The following CDKL2 variants were observed in gnomAD, a reference collection of about 807,000 sequenced individuals.
CDKL2 encodes cyclin-dependent kinase-like 2.
CDKL2 carries 64 observed loss-of-function variants against 63.9 expected under a neutral mutation model. The ratio of observed to expected loss-of-function variants is 1.00; its 90% CI spans 0.82 to 1.23. The LOEUF (loss-of-function observed/expected upper bound fraction) is 1.23. Among genes scored for constraint, CDKL2 ranks in the 50% most tolerant of loss-of-function variants. CDKL2 has a pLI of 0.00. For synonymous variants in CDKL2, 211 were observed against 229.2 expected, an observed-to-expected ratio of 0.92 and a Z score of 0.72; for missense variants, 656 against 668.0, an observed-to-expected ratio of 0.98 and a Z score of 0.20.
chr4:75,581,557 T>C (rs1728261524), intron 13 of CDKL2, among the ~76,000 whole-genome samples: 2 of 152,210 alleles, frequency 1.3e-5, no homozygotes, highest in Non-Finnish European at 2.9e-5. Context: ...TCACCCTAAA[T>C]TCACATTACT....
chr4:75,598,257 C>T (rs1468684917), intron 7 of CDKL2, 45 bp from the exon 8 acceptor site: 7 of 1,099,424 alleles, frequency 6.4e-6, no homozygotes, highest in Non-Finnish European at 8.9e-6. Flanking sequence ...CATGGATAAA[C>T]CTACAAAAAA....
At chr4:75,589,681 C>A (rs1394006383) in intron 12 of CDKL2, among the ~76,000 whole-genome samples, 1 of 152,110 alleles carries the variant, frequency 6.6e-6, no homozygotes. Flanking sequence ...AAATGTGAAA[C>A]TGTATATTCA....
chr4:75,623,805 G>A (rs995323180), intron 2 of CDKL2, among the ~76,000 whole-genome samples: 1 of 151,974 alleles, frequency 6.6e-6, no homozygotes, highest in Non-Finnish European at 1.5e-5. Context: ...ATAACTATAC[G>A]GTTTTCACAA....
chr4:75,606,506 C>A (rs1264367781), intron 4 of CDKL2, among the ~76,000 whole-genome samples: 2 of 152,180 alleles, frequency 1.3e-5, no homozygotes, highest in African/African-American at 4.8e-5. Flanking sequence ...AGCCGCTGCA[C>A]CCAGCCTAGG....
At chr4:75,597,270 G>T in intron 8 of CDKL2, 34 bp from the exon 9 acceptor site, 1 of 1,337,828 alleles carries the variant, frequency 7.5e-7, no homozygotes, top group Non-Finnish European at 1.0e-6. Context: ...TAAGGTTAAT[G>T]ATCTGAAGAG....
intron 2 of CDKL2, among the ~76,000 whole-genome samples, chr4:75,618,218 C>G (rs1730009978): frequency 6.7e-6 from 1 of 148,368 alleles, no homozygotes; most frequent in Non-Finnish European, 1.5e-5. Flanking sequence ...GTAACTCAGA[C>G]CAGGCCTCCA....
rs1471946095 is a variant in CDKL2 at position 75,627,816 on chromosome 4, C to T, written c.-29-1799G>A. 5.8e-5 allele frequency among the ~76,000 whole-genome samples: 8 copies of T among 138,198 alleles called. No homozygotes were observed. The Admixed American group carries it at 6.7e-4, about 12-fold the overall frequency. 90.7% of individuals were successfully genotyped at this position (138,198 alleles called of 152,430 possible). A position where few individuals can be genotyped will look rare whatever the true frequency, so the allele number is the denominator to read the frequency against. ...GCAACCTCTGCCTCCCAGGTTCAAG[C>T]GATTCCCTGTTTCTGCCTCCCCAGT... On this transcript the variant is annotated intron_variant, in intron 1 of 13. Coordinates refer to ENST00000307465, the MANE Select transcript of CDKL2 (RefSeq NM_001330724.2).
Position 75,592,389 on chromosome 4 carries a change from A to G in CDKL2, c.1417-120T>C, listed in dbSNP as rs1283638614. On this transcript the variant is annotated intron_variant, in intron 10 of 13. Coordinates refer to ENST00000307465, the MANE Select transcript of CDKL2 (RefSeq NM_001330724.2). ...TGTGAAATTGAAGGTCTATAATAAA[A>G]AATTTGAAGGACATTAATAATACAA... 2.5e-5 allele frequency: 18 copies of G among 734,082 alleles called. No individual in the cohort carries two copies. In the Admixed American group the frequency reaches 6.3e-4, roughly 26 times the overall value. The allele number at this position is 734,082 out of a possible 1,614,324, so 45.5% of individuals were successfully genotyped here. A position where few individuals can be genotyped will look rare whatever the true frequency, so the allele number is the denominator to read the frequency against.
At position 75,607,444 on chromosome 4, in the gene CDKL2, G is replaced by T. The variant is rs545845157; in HGVS notation, c.364-83C>A. On this transcript the variant is annotated intron_variant, in intron 3 of 13. Transcript: ENST00000307465. ...TGCTATGTGCAGGGCATTGTATGTT[G>T]TCCCTATAAAGAATACAAACAAAAG... The T allele has an allele frequency of 1.7e-4, 174 of 1,046,252 alleles. No homozygotes were observed. In the African/African-American group the frequency reaches 2.3e-3, roughly 14 times the overall value. The allele number at this position is 1,046,252 out of a possible 1,614,324, so 64.8% of individuals were successfully genotyped here. A position where few individuals can be genotyped will look rare whatever the true frequency, so the allele number is the denominator to read the frequency against.
intron 2 of CDKL2, among the ~76,000 whole-genome samples, chr4:75,618,134 C>T (rs1189923744): frequency 6.7e-6 from 1 of 148,406 alleles, no homozygotes; most frequent in Non-Finnish European, 1.5e-5. Context: ...AGACTATCAG[C>T]TCCACAGGTT....
chr4:75,576,689 C>T lies in CDKL2; in HGVS notation c.*2513G>A, dbSNP rs1030960114. ...CATGGTTCAGTTATATAGAGGAGGA[C>T]TTAGAAAACAAATCGATCACATTTT... On this transcript the variant is annotated 3_prime_UTR_variant, in exon 14 of 14. Coordinates refer to ENST00000307465, the MANE Select transcript of CDKL2 (RefSeq NM_001330724.2). Among the ~76,000 whole-genome samples, 5 of 152,174 alleles carry T rather than the reference C, an allele frequency of 3.3e-5. No individual in the cohort carries two copies. The highest frequency in any genetic ancestry group is 1.2e-4 in the African/African-American group (5 of 41,446).
At chr4:75,603,686 G>T in intron 6 of CDKL2, 131 bp downstream of exon 6, 1 of 633,438 alleles carries the variant, frequency 1.6e-6, no homozygotes, top group Non-Finnish European at 2.5e-6. Flanking sequence ...CAGCACTCCA[G>T]CCTGTGTGAC....
chr4:75,601,222 T>C (rs1398258416), intron 6 of CDKL2, among the ~76,000 whole-genome samples: 1 of 152,174 alleles, frequency 6.6e-6, no homozygotes. Context: ...TATTTTATGA[T>C]AGTAAGAAAT....
chr4:75,590,057 C>T lies in CDKL2; in HGVS notation c.1647+1762G>A, dbSNP rs143279347. On this transcript the variant is annotated intron_variant, in intron 12 of 13. Transcript: ENST00000307465. Reference sequence around the variant, plus strand: ...TGGTGCACTCCCGTGGTCCCAGCTACTCAGGAAGCTGAGGTGGGAAGATTG... The same window carrying T: ...TGGTGCACTCCCGTGGTCCCAGCTATTCAGGAAGCTGAGGTGGGAAGATTG... Among the ~76,000 whole-genome samples, 774 of 151,854 alleles carry T rather than the reference C, an allele frequency of 5.1e-3. 9 individuals carry two copies. Among genetic ancestry groups the T allele is most frequent in the African/African-American group, 0.018 (734 of 41,424 alleles).
At chr4:75,627,271 G>A (rs553195434) in intron 1 of CDKL2, among the ~76,000 whole-genome samples, 1 of 151,646 alleles carries the variant, frequency 6.6e-6, no homozygotes, top group South Asian at 2.1e-4. Context: ...GATTTTGTTT[G>A]TTTGTTTGTT....
At chr4:75,607,691 G>C (rs1056753066) in intron 3 of CDKL2, among the ~76,000 whole-genome samples, 8 of 152,174 alleles carry the variant, frequency 5.3e-5, no homozygotes, top group Admixed American at 2.0e-4. Context: ...AAAGGGGTGG[G>C]CTCTAACATA....
At chr4:75,626,809 T>G (rs1730441785) in intron 1 of CDKL2, among the ~76,000 whole-genome samples, 1 of 152,020 alleles carries the variant, frequency 6.6e-6, no homozygotes, top group Non-Finnish European at 1.5e-5. Flanking sequence ...GAGAATTGCT[T>G]GAGCCCAGGA....
chr4:75,600,775 C>T (rs1212113838), intron 6 of CDKL2, among the ~76,000 whole-genome samples: 11 of 152,168 alleles, frequency 7.2e-5, no homozygotes, highest in African/African-American at 7.2e-5. Context: ...GAATTTTACA[C>T]ATCAATAATC....
chr4:75,624,657 C>G (rs1730315668), intron 2 of CDKL2, among the ~76,000 whole-genome samples: 2 of 149,920 alleles, frequency 1.3e-5, no homozygotes, highest in Non-Finnish European at 3.0e-5. Flanking sequence ...GAGACCATCC[C>G]AATCAACATG....
Sources: allele counts gnomAD v4.1 joint callset (sites outside exome capture counted in the v4.1 genomes callset), GRCh38; gene constraint gnomAD v4.1.1; transcripts MANE v1.5; gene names NCBI Gene and HGNC (gene_info 2026-07-23, HGNC 2026-07-21).